LZTR1: variants seen among roughly 807,000 people sequenced by gnomAD.
LZTR1 encodes leucine zipper like post translational regulator 1, also known as leucine-zipper-like transcriptional regulator 1.
Under a neutral mutation model 105.7 loss-of-function variants are expected in LZTR1, and 260 were observed. The ratio of observed to expected loss-of-function variants is 2.46; its 90% CI spans 2.22 to 2.72. The LOEUF (loss-of-function observed/expected upper bound fraction) is 2.72. Among genes scored for constraint, LZTR1 ranks in the 30% most tolerant of loss-of-function variants. The probability of loss-of-function intolerance (pLI) is 0.00; values close to 1 mark genes in which losing one functional copy is unlikely to be tolerated. For synonymous variants in LZTR1, 490 were observed against 476.4 expected, an observed-to-expected ratio of 1.03 and a Z score of -0.37; for missense variants, 1,214 against 1,166.9, an observed-to-expected ratio of 1.04 and a Z score of -0.59.
chr22:20,983,039 C>G lies in LZTR1; in HGVS notation c.213C>G (p.His71Gln). 1.2e-6 allele frequency: 2 copies of G among 1,614,128 alleles called. No individual in the cohort carries two copies. Among genetic ancestry groups the G allele is most frequent in the Non-Finnish European group, 1.7e-6 (2 of 1,179,958 alleles). The change falls in exon 2 of 21, where the codon CAC becomes CAG. Residue 71 changes from histidine (H) to glutamine (Q), a missense_variant. His to Gln is a conservative substitution (Grantham distance 24). Transcript: ENST00000646124. ...DEFVGARRSK[H>Q]TVVAYKDAIY... The stretch of plus-strand genomic sequence containing the variant: ...CCTTTCTTTCCAGGCGCAGCAAGCA[C>G]ACAGTGGTGGCCTATAAAGATGCCA...
chr22:20,995,395 G>T (rs934920974), intron 16 of LZTR1: 12 of 612,468 alleles, frequency 2.0e-5, no homozygotes, highest in African/African-American at 7.3e-5. Flanking sequence ...GCTCTCCCTG[G>T]GGCTTGTGCT....
chr22:20,996,791 A>G lies in LZTR1; in HGVS notation c.2315A>G (p.Asn772Ser), dbSNP rs1924870295. 1 of 1,613,530 alleles carries G rather than the reference A, an allele frequency of 6.2e-7. No homozygotes were observed. The highest frequency in any genetic ancestry group is 8.5e-7 in the Non-Finnish European group (1 of 1,179,998). ...QNLEMNVTVQ[N>S]VLQILEAADK... ...CTGGAGATGAACGTGACGGTGCAGA[A>G]CGTGCTGCAGGTAGCCCCCCAGCCC... The change falls in exon 19 of 21, where the codon AAC (asparagine) becomes AGC (serine). Residue 772 changes from asparagine (N) to serine (S), a missense_variant. Transcript: ENST00000646124.
At chr22:20,991,916 GC>G (rs2147965167) in intron 9 of LZTR1, 87 bp downstream of exon 9, 6 of 1,296,288 alleles carry the variant, frequency 4.6e-6, no homozygotes, top group Non-Finnish European at 4.2e-6. Flanking sequence ...CAGCTTTGGG[GC>G]CCCCTGGGGT....
In LZTR1 at chr22:20,988,849, T is replaced by C; in HGVS notation, c.570T>C (p.Phe190=). The stretch of plus-strand genomic sequence containing the variant: ...TGTACAGTGACAAGCTGTGGATCTT[T>C]GCTGGCTATGACGGCAACGCCAGGT... The part of the protein sequence containing the change: ...ATVYSDKLWI[F]AGYDGNARLN... Residue 190 remains phenylalanine (F), a synonymous_variant, in exon 6 of 21, where the codon TTT becomes TTC. Coordinates refer to ENST00000646124, the MANE Select transcript of LZTR1 (RefSeq NM_006767.4). 1.2e-6 allele frequency: 2 copies of C among 1,614,120 alleles called. No homozygotes were observed. Among genetic ancestry groups the C allele is most frequent in the Non-Finnish European group, 1.7e-6 (2 of 1,180,008 alleles).
rs556102262 is a variant in LZTR1 at position 20,996,483 on chromosome 22, CTACAGATG to C, written c.2220-206_2220-199del. ...AGGCCTGCAAGGCCATGGAACAGCG[CTACAGATG>C]TACAGACACTATTTTTCTCGGGAGG... On this transcript the variant is annotated intron_variant, in intron 18 of 20. Coordinates refer to ENST00000646124, the MANE Select transcript of LZTR1 (RefSeq NM_006767.4). 7.2e-3 allele frequency: 4,342 copies of C among 603,040 alleles called. 23 individuals carry two copies. The highest frequency in any genetic ancestry group is 9.3e-3 in the Non-Finnish European group (3,151 of 339,456). The allele number at this position is 603,040 out of a possible 1,614,324, so 37.4% of individuals were successfully genotyped here.
chr22:20,982,512 C>T lies in LZTR1; in HGVS notation c.141C>T (p.Pro47=). The T allele has an allele frequency of 6.2e-7, 1 of 1,613,158 alleles. No homozygotes were observed. Residue 47 remains proline (P), a synonymous_variant, in exon 1 of 21, where the codon CCC becomes CCT. Transcript: ENST00000646124. ...AGTACCTGACGCTCAACTTCGGGCC[C>T]TTCGAAACAGTGCATCGCTGGCGGC... ...SVEYLTLNFG[P]FETVHRWRRL...
intron 6 of LZTR1, 145 bp downstream of exon 6, chr22:20,989,017 AG>A: frequency 1.4e-6 from 1 of 696,588 alleles, no homozygotes; most frequent in Non-Finnish European, 2.5e-6. Context: ...GTTTCTTGGG[AG>A]GGGGATGGGG....
chr22:20,982,719 AG>A (rs1924241725), intron 1 of LZTR1, 148 bp downstream of exon 1: 5 of 792,084 alleles, frequency 6.3e-6, no homozygotes, highest in Non-Finnish European at 1.0e-5. Context: ...TGTTCAGGGC[AG>A]GGGAGAGGGT....
intron 2 of LZTR1, among the ~76,000 whole-genome samples, chr22:20,985,374 CTTTTT>C (rs919596752): frequency 7.9e-5 from 12 of 152,030 alleles, no homozygotes; most frequent in Non-Finnish European, 1.5e-4. Context: ...GTCTCTATTT[CTTTTT>C]TTTAAGAAGT....
chr22:20,988,560 TAGG>T (rs1292542946), intron 5 of LZTR1, among the ~76,000 whole-genome samples: 1 of 152,202 alleles, frequency 6.6e-6, no homozygotes, highest in Non-Finnish European at 1.5e-5. Flanking sequence ...TGGGGGCACC[TAGG>T]AGAAGGTTCT....
At chr22:20,994,419 C>T (rs923088134) in intron 14 of LZTR1, 139 bp from the exon 15 acceptor site, 1 of 1,244,316 alleles carries the variant, frequency 8.0e-7, no homozygotes, top group Non-Finnish European at 1.1e-6. Context: ...ATCACTGCAG[C>T]TGGACGCCAT....
At position 20,994,245 on chromosome 22, in the gene LZTR1, G is replaced by A. The variant is rs138615487; in HGVS notation, c.1591G>A (p.Asp531Asn). 1.9e-5 allele frequency: 30 copies of A among 1,599,062 alleles called. No homozygotes were observed. Among genetic ancestry groups the A allele is most frequent in the South Asian group, 2.2e-5 (2 of 91,032 alleles). Residue 531 changes from aspartate to asparagine, a missense_variant, in exon 14 of 21, where the codon GAC becomes AAC. By Grantham distance (23) the Asp-to-Asn change is conservative (BLOSUM62 1). Coordinates refer to ENST00000646124, the MANE Select transcript of LZTR1 (RefSeq NM_006767.4). ...GGTGCTCATGCAGTTCCTCTACACC[G>A]ACAAGATCAAATACCCACGGAAAGG... is the stretch of plus-strand genomic sequence containing the variant. ...FEVLMQFLYT[D>N]KIKYPRKGHV... is the part of the protein sequence containing the mutation.
Position 20,994,719 on chromosome 22 carries a change from CA to C in LZTR1, c.1779del (p.Gln593HisfsTer7), listed in dbSNP as rs752147890. 3 of 1,611,520 alleles carry C rather than the reference CA, an allele frequency of 1.9e-6. No homozygotes were observed. The highest frequency in any genetic ancestry group is 2.5e-6 in the Non-Finnish European group (3 of 1,179,900). On this transcript the variant is annotated frameshift_variant, in exon 15 of 21. Coordinates refer to ENST00000646124, the MANE Select transcript of LZTR1 (RefSeq NM_006767.4). LOFTEE classifies it high-confidence loss of function. ...GAGTGCCGCCCGGCTGCAGCTGAGC[CA>C]ACTCAAGGTGTGGGGTGGGGTCAGC... ...CESAARLQLS[Q>X]LKEHCLNFVV...
intron 5 of LZTR1, 71 bp from the exon 6 acceptor site, chr22:20,988,718 C>T (rs970893887): frequency 8.7e-7 from 1 of 1,148,678 alleles, no homozygotes; most frequent in Admixed American, 1.7e-5. Flanking sequence ...CCTGCACTGA[C>T]CACATGGGGC....
At position 20,982,531 on chromosome 22, in the gene LZTR1, T is replaced by A. The variant is rs1170063499; in HGVS notation, c.160T>A (p.Trp54Arg). 6.2e-7 allele frequency: 1 copy of A among 1,613,090 alleles called. No homozygotes were observed. Among genetic ancestry groups the A allele is most frequent in the Non-Finnish European group, 8.5e-7 (1 of 1,179,754 alleles). Reference sequence around the variant, plus strand: ...CGGGCCCTTCGAAACAGTGCATCGCTGGCGGCGCCTCCCGCCCTGCGACGA... The same window carrying A: ...CGGGCCCTTCGAAACAGTGCATCGCAGGCGGCGCCTCCCGCCCTGCGACGA... ...NFGPFETVHR[W>R]RRLPPCDEFV... is the part of the protein sequence containing the mutation. The change falls in exon 1 of 21, where the codon TGG becomes AGG. Residue 54 changes from tryptophan (W) to arginine (R), a missense_variant. Physicochemically the swap from Trp to Arg is moderately radical, Grantham distance 101. Transcript: ENST00000646124.
intron 8 of LZTR1, 74 bp from the exon 9 acceptor site, chr22:20,991,554 G>T: frequency 8.3e-7 from 1 of 1,211,468 alleles, no homozygotes; most frequent in Non-Finnish European, 1.1e-6. Context: ...CCCAGTGAAG[G>T]CCTGCTGTGG....
At chr22:20,991,925 G>A (rs2147965177) in intron 9 of LZTR1, 96 bp downstream of exon 9, 3 of 1,213,036 alleles carry the variant, frequency 2.5e-6, no homozygotes, top group East Asian at 5.1e-5. Context: ...GGCCCCCTGG[G>A]GTTCCAGACA....
chr22:20,990,535 C>T lies in LZTR1; in HGVS notation c.791+10C>T. Reference sequence around the variant, plus strand: ...AATTCAAGGACAAGACGTGAGTACTCTGGCCAGTGGGGTGGAGGGAGGACG... The same window carrying T: ...AATTCAAGGACAAGACGTGAGTACTTTGGCCAGTGGGGTGGAGGGAGGACG... On this transcript the variant is annotated intron_variant, in intron 8 of 20. Coordinates refer to ENST00000646124, the MANE Select transcript of LZTR1 (RefSeq NM_006767.4). 2 of 1,603,552 alleles carry T rather than the reference C, an allele frequency of 1.2e-6. No individual in the cohort carries two copies. The highest frequency in any genetic ancestry group is 2.2e-5 in the East Asian group (1 of 44,740).
Position 20,995,793 on chromosome 22 carries a change from G to A in LZTR1, c.1990G>A (p.Ala664Thr), listed in dbSNP as rs140874089. The A allele has an allele frequency of 2.1e-4, 341 of 1,613,558 alleles. No homozygotes were observed. The highest frequency in any genetic ancestry group is 2.0e-3 in the African/African-American group (149 of 75,010). The change falls in exon 17 of 21, where the codon GCG becomes ACG. Residue 664 changes from alanine to threonine, a missense_variant. By Grantham distance (58) the Ala-to-Thr change is moderately conservative. Coordinates refer to ENST00000646124, the MANE Select transcript of LZTR1 (RefSeq NM_006767.4). ...DMKAYLEGAGAEFCDITLLLD... is the reference protein window; with the variant it reads ...DMKAYLEGAGTEFCDITLLLD... The stretch of plus-strand genomic sequence containing the variant: ...GAAGGCATACCTGGAGGGAGCGGGC[G>A]CGGAATTCTGTGACATCACTCTGTT...
Sources: gnomAD v4.1 joint callset for allele counts (sites outside exome capture counted in the v4.1 genomes callset) on GRCh38, gnomAD v4.1.1 for gene constraint, MANE v1.5 for transcripts, NCBI Gene and HGNC (gene_info 2026-07-23, HGNC 2026-07-21) for gene names.